Variants in L3MBTL3 observed in about 807,000 individuals in gnomAD.
L3MBTL3 encodes L3MBTL histone methyl-lysine binding protein 3, also known as lethal(3)malignant brain tumor-like protein 3.
Under a neutral mutation model 102.3 loss-of-function variants are expected in L3MBTL3, and 27 were observed. The observed-to-expected ratio is 0.26, with a 90% CI of 0.19 to 0.36. The LOEUF is 0.36. Ranked by LOEUF, L3MBTL3 falls within the 10% of genes least tolerant of loss-of-function variation. L3MBTL3 has a pLI of 1.00. For synonymous variants in L3MBTL3, 340 were observed against 320.9 expected (o/e 1.06, Z -0.64); for missense variants, 798 against 955.3 (o/e 0.84, Z 2.17).
intron 2 of L3MBTL3, among the ~76,000 whole-genome samples, chr6:130,030,702 A>G (rs1407239883): frequency 6.7e-6 from 1 of 150,374 alleles, no homozygotes; most frequent in Non-Finnish European, 1.5e-5. Context: ...AAAGATTTAA[A>G]CCCAGGCACT....
chr6:130,020,308 C>G (rs1266744514), intron 1 of L3MBTL3, among the ~76,000 whole-genome samples: 7 of 147,048 alleles, frequency 4.8e-5, no homozygotes, highest in Non-Finnish European at 7.5e-5. Context: ...CCGCGCGCCC[C>G]GCGAGCTGGT....
chr6:130,030,929 C>G (rs1485769028), intron 2 of L3MBTL3, among the ~76,000 whole-genome samples: 2 of 152,104 alleles, frequency 1.3e-5, no homozygotes. Context: ...AATGACAAAG[C>G]ATTGAAGAAA....
intron 2 of L3MBTL3, among the ~76,000 whole-genome samples, chr6:130,032,339 C>T (rs1779779552): frequency 6.6e-6 from 1 of 152,174 alleles, no homozygotes; most frequent in Non-Finnish European, 1.5e-5. Flanking sequence ...GTCCCAGCTG[C>T]TCTAGAGGCT....
At chr6:130,039,196 G>A (rs971911450) in intron 2 of L3MBTL3, among the ~76,000 whole-genome samples, 4 of 151,824 alleles carry the variant, frequency 2.6e-5, no homozygotes, top group Non-Finnish European at 4.4e-5. Flanking sequence ...TACTTCATCC[G>A]CTTATTAATT....
chr6:130,094,439 A>T lies in L3MBTL3; in HGVS notation c.1736+72A>T, dbSNP rs1371650068. The T allele has an allele frequency of 3.5e-6, 3 of 860,068 alleles. No individual in the cohort carries two copies. In the African/African-American group the frequency reaches 5.2e-5, roughly 15 times the overall value. The allele number at this position is 860,068 out of a possible 1,614,324, so 53.3% of individuals were successfully genotyped here. On this transcript the variant is annotated intron_variant, in intron 18 of 22. Coordinates refer to ENST00000361794, the MANE Select transcript of L3MBTL3 (RefSeq NM_032438.4). ...TACATGTATATATAATGAATTTCATATATACTAAATTGATGTGAACTAATT... is the reference window on the plus strand; with the variant it reads ...TACATGTATATATAATGAATTTCATTTATACTAAATTGATGTGAACTAATT...
intron 10 of L3MBTL3, 44 bp from the exon 11 acceptor site, chr6:130,066,309 T>TATATATATATATG: frequency 2.0e-6 from 2 of 1,015,866 alleles, no homozygotes; most frequent in Non-Finnish European, 2.8e-6. Flanking sequence ...TATATGAATA[T>TATATATATATATG]TCTGAGTTAA....
intron 17 of L3MBTL3, 58 bp from the exon 18 acceptor site, chr6:130,094,207 C>A: frequency 7.4e-7 from 1 of 1,356,582 alleles, no homozygotes; most frequent in Non-Finnish European, 1.0e-6. Context: ...ACATTTGACT[C>A]TTCACAGATT....
chr6:130,070,384 C>T (rs1028539773), intron 12 of L3MBTL3, among the ~76,000 whole-genome samples: 4 of 152,126 alleles, frequency 2.6e-5, no homozygotes, highest in Non-Finnish European at 4.4e-5. Flanking sequence ...CTTTGTACAT[C>T]AACAGCCAAT....
At chr6:130,139,234 C>G (rs567389187) in intron 22 of L3MBTL3, among the ~76,000 whole-genome samples, 2 of 152,008 alleles carry the variant, frequency 1.3e-5, no homozygotes, top group East Asian at 3.9e-4. Flanking sequence ...TGTCCACAAA[C>G]ATTCATGTAC....
chr6:130,055,599 CCT>C (rs1413441279), intron 8 of L3MBTL3, among the ~76,000 whole-genome samples: 3 of 117,442 alleles, frequency 2.6e-5, no homozygotes, highest in Admixed American at 8.5e-5. Context: ...TCTCTCCCTC[CCT>C]CTCTGTCTCC....
rs775381277 is a variant in L3MBTL3, at chr6:130,042,720, C to T, written c.21C>T (p.Ser7=). Residue 7 remains serine, a synonymous_variant, in exon 3 of 23, where the codon AGC becomes AGT. Coordinates refer to ENST00000361794, the MANE Select transcript of L3MBTL3 (RefSeq NM_032438.4). ...AAATCATGACTGAATCTGCCTCTAG[C>T]ACAAGTGGTCAAGAGTTTGATGTGT... MTESAS[S]TSGQEFDVFS... 4 of 1,612,692 alleles carry T rather than the reference C, an allele frequency of 2.5e-6. No individual in the cohort carries two copies. The highest frequency in any genetic ancestry group is 3.4e-6 in the Non-Finnish European group (4 of 1,178,896).
At chr6:130,089,480 G>A (rs1044924559) in intron 16 of L3MBTL3, among the ~76,000 whole-genome samples, 2 of 152,046 alleles carry the variant, frequency 1.3e-5, no homozygotes, top group African/African-American at 4.8e-5. Flanking sequence ...TGGACATTTG[G>A]GTTGGTTCCA....
At chr6:130,052,736 G>T (rs1781184086) in intron 6 of L3MBTL3, 123 bp from the exon 7 acceptor site, 3 of 1,176,468 alleles carry the variant, frequency 2.6e-6, no homozygotes, top group Non-Finnish European at 2.3e-6. Context: ...ATTTCTCCTG[G>T]TAGTTAAAGA....
At chr6:130,044,050 G>A (rs9398935) in intron 3 of L3MBTL3, among the ~76,000 whole-genome samples, 71,641 of 152,002 alleles carry the variant, frequency 0.47, 19,546 homozygotes, top group East Asian at 0.76. Flanking sequence ...TGCTTGCGCT[G>A]ACATTCTCCA....
intron 9 of L3MBTL3, among the ~76,000 whole-genome samples, chr6:130,057,719 TTC>T (rs1232179783): frequency 6.6e-6 from 1 of 152,212 alleles, no homozygotes; most frequent in African/African-American, 2.4e-5. Context: ...ACGTGTGCTC[TTC>T]TCTCTCAGCA....
chr6:130,117,802 T>C (rs1225745305), intron 19 of L3MBTL3, among the ~76,000 whole-genome samples: 2 of 151,096 alleles, frequency 1.3e-5, no homozygotes, highest in South Asian at 2.1e-4. Context: ...AAGGCTAAAG[T>C]GACCCACCTG....
intron 3 of L3MBTL3, among the ~76,000 whole-genome samples, chr6:130,043,143 T>C (rs1261285358): frequency 6.6e-6 from 1 of 152,242 alleles, no homozygotes; most frequent in Non-Finnish European, 1.5e-5. Flanking sequence ...GCTATCTTTT[T>C]TGATTTTGTA....
intron 2 of L3MBTL3, among the ~76,000 whole-genome samples, chr6:130,040,778 C>G (rs1780369704): frequency 1.3e-5 from 2 of 152,176 alleles, no homozygotes; most frequent in African/African-American, 2.4e-5. Flanking sequence ...GAGCTTGCAT[C>G]CATGGTACTT....
chr6:130,115,490 C>T (rs775594961), intron 19 of L3MBTL3, among the ~76,000 whole-genome samples: 11 of 152,246 alleles, frequency 7.2e-5, no homozygotes, highest in South Asian at 4.1e-4. Flanking sequence ...CTAATTGAAA[C>T]GTAATTGGTT....
Sources: gnomAD v4.1 joint callset for allele counts (sites outside exome capture counted in the v4.1 genomes callset) on GRCh38, gnomAD v4.1.1 for gene constraint, MANE v1.5 for transcripts, NCBI Gene and HGNC (gene_info 2026-07-23, HGNC 2026-07-21) for gene names.